Variants in KIF4A observed in about 807,000 individuals in gnomAD.
The protein encoded by KIF4A is kinesin family member 4A.
A neutral mutation model predicts 105.9 loss-of-function variants in KIF4A; 7 were observed. The ratio of observed to expected loss-of-function variants is 0.07; its 90% CI spans 0.04 to 0.12. The LOEUF is 0.12. Among genes scored for constraint, KIF4A ranks in the 10% least tolerant of loss-of-function variants. The probability of loss-of-function intolerance (pLI) is 1.00; values close to 1 mark genes in which losing one functional copy is unlikely to be tolerated. For missense variants in KIF4A, 558 were observed against 929.2 expected (o/e 0.60, Z 5.19); for synonymous variants, 281 against 331.3 (o/e 0.85, Z 1.65).
chrX:70,400,022 CTTTT>C (rs754693441), intron 22 of KIF4A, among the ~76,000 whole-genome samples: 3 of 97,995 alleles, frequency 3.1e-5, no homozygotes, highest in African/African-American at 1.1e-4. Flanking sequence ...GCAACTAACT[CTTTT>C]TTTTTTTTAT....
intron 28 of KIF4A, 38 bp downstream of exon 28, chrX:70,407,113 G>A (rs1243264881): frequency 6.1e-6 from 7 of 1,156,222 alleles, no homozygotes; most frequent in Non-Finnish European, 8.1e-6. Flanking sequence ...TTGTTTTGTT[G>A]TTGTTGTTTT....
In KIF4A at chrX:70,343,305, T is replaced by G. The variant is rs530531250; in HGVS notation, c.1267-398T>G. Among the ~76,000 whole-genome samples the G allele has an allele frequency of 1.3e-4, 14 of 111,600 alleles. No homozygotes were observed. The South Asian group carries it at 4.9e-3, about 39-fold the overall frequency. On this transcript the variant is annotated intron_variant, in intron 11 of 30. Coordinates refer to ENST00000374403, the MANE Select transcript of KIF4A (RefSeq NM_012310.5). The stretch of plus-strand genomic sequence containing the variant: ...TTTAAAGTAAGTGGGGTTTTTTGTT[T>G]GTTTGTTTTTTGTCTTTTTTTTGTT...
chrX:70,299,942 A>T (rs1030860415), intron 5 of KIF4A, among the ~76,000 whole-genome samples: 1 of 112,008 alleles, frequency 8.9e-6, no homozygotes, highest in Non-Finnish European at 1.9e-5. Context: ...AGAGTTTCCT[A>T]TGTGGGAGTG....
intron 8 of KIF4A, 69 bp downstream of exon 8, chrX:70,329,590 A>C (rs1367154475): frequency 1.1e-6 from 1 of 878,619 alleles, no homozygotes; most frequent in African/African-American, 2.0e-5. Context: ...GCAAAGATGA[A>C]ATAGGTAAAA....
At chrX:70,350,310 C>G in intron 13 of KIF4A, among the ~76,000 whole-genome samples, 1 of 111,796 alleles carries the variant, frequency 8.9e-6, no homozygotes, top group Non-Finnish European at 1.9e-5. Context: ...CACGGCGAAA[C>G]CCCGTCTCCA....
At chrX:70,380,995 A>T (rs1274721150) in intron 18 of KIF4A, among the ~76,000 whole-genome samples, 3 of 110,361 alleles carry the variant, frequency 2.7e-5, no homozygotes. Context: ...CTAAAAATAC[A>T]AACATTAGCC....
At position 70,359,437 on chromosome X, in the gene KIF4A, T is replaced by TTC. The variant is rs777564349; in HGVS notation, c.1674+5648_1674+5649dup. ...CCACTGTATTTCTTTCTTTCTTTCT[T>TTC]TCTCTCTCTCTCTCTCTCTTTCTTT... is the stretch of plus-strand genomic sequence containing the variant. On this transcript the variant is annotated intron_variant, in intron 15 of 30. Transcript: ENST00000374403. Among the ~76,000 whole-genome samples, 243 of 104,528 alleles carry TTC rather than the reference T, an allele frequency of 2.3e-3. 3 individuals are homozygous for TTC. In the South Asian group the frequency reaches 0.051, roughly 22 times the overall value. The allele number at this position is 104,528 out of a possible 115,157, so 90.8% of individuals were successfully genotyped here. A position where few individuals can be genotyped will look rare whatever the true frequency, so the allele number is the denominator to read the frequency against.
At position 70,301,872 on chromosome X, in the gene KIF4A, A is replaced by C. The variant is rs559410302; in HGVS notation, c.517-28A>C. ...ACCAAGCATTTGAAGTATAAATCATAAGGGAATTTTCTCTTTCTTGCAATT... is the reference window on the plus strand; with the variant it reads ...ACCAAGCATTTGAAGTATAAATCATCAGGGAATTTTCTCTTTCTTGCAATT... On this transcript the variant is annotated intron_variant, in intron 5 of 30. Transcript: ENST00000374403. 1.1e-4 allele frequency: 134 copies of C among 1,196,493 alleles called. 1 individual carries two copies. The South Asian group carries it at 2.0e-3, about 18-fold the overall frequency.
chrX:70,343,215 G>A lies in KIF4A; in HGVS notation c.1267-488G>A, dbSNP rs758454320. Among the ~76,000 whole-genome samples, 700 of 111,726 alleles carry A rather than the reference G, an allele frequency of 6.3e-3. 6 individuals carry two copies. The highest frequency in any genetic ancestry group is 0.021 in the African/African-American group (655 of 30,823). On this transcript the variant is annotated intron_variant, in intron 11 of 30. Coordinates refer to ENST00000374403, the MANE Select transcript of KIF4A (RefSeq NM_012310.5). ...AAAAATCTCAGCTCAAATTTAGTGT[G>A]AGGCCCTTTTATGTTTTAAATGCCC... is the stretch of plus-strand genomic sequence containing the variant.
chrX:70,375,172 G>A (rs1438497170), intron 16 of KIF4A, 32 bp from the exon 17 acceptor site: 1 of 1,204,365 alleles, frequency 8.3e-7, no homozygotes, highest in East Asian at 3.0e-5. Context: ...TTTGCTGCTG[G>A]TAGTCCTCAC....
At chrX:70,366,199 G>C (rs1177261373) in intron 15 of KIF4A, among the ~76,000 whole-genome samples, 1 of 111,235 alleles carries the variant, frequency 9.0e-6, no homozygotes, top group Non-Finnish European at 1.9e-5. Flanking sequence ...CAAAAAACCA[G>C]CTCCTGGATT....
At chrX:70,320,297 T>C (rs1167725667) in intron 7 of KIF4A, among the ~76,000 whole-genome samples, 5 of 111,850 alleles carry the variant, frequency 4.5e-5, no homozygotes. Flanking sequence ...ACTTTTTGAC[T>C]CCTAGAAGGC....
chrX:70,397,876 G>C (rs2086266076), intron 22 of KIF4A, among the ~76,000 whole-genome samples: 1 of 112,047 alleles, frequency 8.9e-6, no homozygotes, highest in South Asian at 3.7e-4. Context: ...GGTGGAAATA[G>C]TATCATTACT....
intron 28 of KIF4A, among the ~76,000 whole-genome samples, chrX:70,412,925 T>TA (rs768422512): frequency 0.11 from 6,550 of 57,357 alleles, 194 homozygotes; most frequent in Non-Finnish European, 0.2. Flanking sequence ...GACCCTGTCT[T>TA]AAAAAAAAAA....
rs1159052131 is a variant in KIF4A, at chrX:70,373,516, GTGTGTATGTATATATATATATA to G, written c.1675-633_1675-612del. Among the ~76,000 whole-genome samples, 148 of 10,698 alleles carry G rather than the reference GTGTGTATGTATATATATATATA, an allele frequency of 0.014. 30 individuals carry two copies. The Admixed American group carries it at 0.2, about 15-fold the overall frequency. The allele number at this position is 10,698 out of a possible 115,157, so 9.3% of individuals were successfully genotyped here. A position where few individuals can be genotyped will look rare whatever the true frequency, so the allele number is the denominator to read the frequency against. On this transcript the variant is annotated intron_variant, in intron 15 of 30. Transcript: ENST00000374403. The stretch of plus-strand genomic sequence containing the variant: ...CTGGGCAACATATATATATACATGT[GTGTGTATGTATATATATATATA>G]TATATATATATATATATACGTATAT...
rs1248243917 is a variant in KIF4A, at chrX:70,344,572, A to C, written c.1431+590A>C. Among the ~76,000 whole-genome samples the C allele has an allele frequency of 1.8e-5, 2 of 111,001 alleles. 1 individual carries two copies. Among genetic ancestry groups the C allele is most frequent in the Middle Eastern group, 8.5e-3 (2 of 235 alleles). On this transcript the variant is annotated intron_variant, in intron 13 of 30. Transcript: ENST00000374403. Reference sequence around the variant, plus strand: ...AAATCTATTTTTGTTTTGGTGTTCCATCTCTTAGTCCTTAGGCATATATGC... The same window carrying C: ...AAATCTATTTTTGTTTTGGTGTTCCCTCTCTTAGTCCTTAGGCATATATGC...
chrX:70,299,829 A>G (rs1022127736), intron 5 of KIF4A, among the ~76,000 whole-genome samples: 1 of 112,359 alleles, frequency 8.9e-6, no homozygotes, highest in Non-Finnish European at 1.9e-5. Flanking sequence ...AAAACATGTA[A>G]GTATCATAGG....
intron 3 of KIF4A, among the ~76,000 whole-genome samples, chrX:70,294,673 A>C (rs1019999356): frequency 1.8e-5 from 2 of 112,995 alleles, no homozygotes; most frequent in African/African-American, 6.4e-5. Context: ...AATTGAAGTT[A>C]AAGTAAGAAT....
Position 70,395,752 on chromosome X carries a change from A to G in KIF4A, c.2314A>G (p.Lys772Glu), listed in dbSNP as rs1002077394. The G allele has an allele frequency of 1.6e-5, 19 of 1,209,749 alleles. No individual in the cohort carries two copies. The highest frequency in any genetic ancestry group is 2.0e-5 in the Non-Finnish European group (18 of 895,267). ...RHLNDLLEDR[K>E]ILAQDVAQLK... ...TCTGAATGACCTCCTTGAAGATAGA[A>G]AGATCCTGGCTCAAGATGTGGCTCA... is the stretch of plus-strand genomic sequence containing the variant. Residue 772 changes from lysine (K) to glutamate (E), a missense_variant, in exon 21 of 31, where the codon AAG becomes GAG. Lys to Glu is a moderately conservative substitution (Grantham distance 56). This residue lies in a region of KIF4A where 469 missense variants were observed against 680.4 expected (regional missense o/e 0.69). Coordinates refer to ENST00000374403, the MANE Select transcript of KIF4A (RefSeq NM_012310.5).
Sources: allele counts gnomAD v4.1 joint callset (sites outside exome capture counted in the v4.1 genomes callset), GRCh38; gene constraint gnomAD v4.1.1; regional missense constraint gnomAD v4.1.1; transcripts MANE v1.5; gene names NCBI Gene and HGNC (gene_info 2026-07-23, HGNC 2026-07-21).